SRFBP1: variants seen among roughly 807,000 people sequenced by gnomAD.
SRFBP1 encodes serum response factor-binding protein 1.
Under a neutral mutation model 45.5 loss-of-function variants are expected in SRFBP1, and 47 were observed. The observed-to-expected ratio is 1.03, with a 90% confidence interval of 0.82 to 1.32. The LOEUF is 1.32. SRFBP1 is among the 40% of genes most tolerant of loss of function. The pLI, the probability that SRFBP1 is intolerant of heterozygous loss-of-function variation, is 0.00. For synonymous variants in SRFBP1, 203 were observed against 166.3 expected (o/e 1.22, Z -1.70); for missense variants, 621 against 484.6 (o/e 1.28, Z -2.64).
At chr5:122,049,789 G>A (rs1038685741) in intron 2 of SRFBP1, among the ~76,000 whole-genome samples, 1 of 152,130 alleles carries the variant, frequency 6.6e-6, no homozygotes, top group East Asian at 1.9e-4. Context: ...GGTACATAAC[G>A]AAATGAAGGC....
At position 121,975,483 on chromosome 5, in the gene SRFBP1, C is replaced by G. The variant is rs919207387; in HGVS notation, c.198+96C>G. On this transcript the variant is annotated intron_variant, in intron 3 of 7. Coordinates refer to ENST00000339397, the MANE Select transcript of SRFBP1 (RefSeq NM_152546.3). The stretch of plus-strand genomic sequence containing the variant: ...GTGGTATTGCTTATTTGAATATTCC[C>G]GAGAGTTGCGTAAGACATCTTGTAT... 1.1e-4 allele frequency: 140 copies of G among 1,301,312 alleles called. 5 individuals are homozygous for G. The South Asian group carries it at 1.7e-3, about 15-fold the overall frequency. 80.6% of individuals were successfully genotyped at this position (1,301,312 alleles called of 1,614,324 possible).
At chr5:121,968,185 T>C (rs1201129579) in intron 1 of SRFBP1, among the ~76,000 whole-genome samples, 1 of 151,364 alleles carries the variant, frequency 6.6e-6, no homozygotes, top group Admixed American at 6.6e-5. Flanking sequence ...AGACCCCCAG[T>C]GTATGCTTAA....
intron 4 of SRFBP1, 146 bp from the exon 5 acceptor site, chr5:122,019,114 T>C: frequency 4.5e-6 from 3 of 674,054 alleles, no homozygotes; most frequent in South Asian, 3.9e-5. Context: ...GGATTGATTA[T>C]ACAGATATCT....
intron 2 of SRFBP1, chr5:122,070,304 T>C (rs371425918): frequency 7.5e-6 from 5 of 665,726 alleles, no homozygotes; most frequent in African/African-American, 3.6e-5. Flanking sequence ...GGAGACGTTA[T>C]GGAAAGAGAC....
At chr5:122,002,835 A>T (rs558218615) in intron 4 of SRFBP1, among the ~76,000 whole-genome samples, 1 of 152,286 alleles carries the variant, frequency 6.6e-6, no homozygotes, top group Admixed American at 6.5e-5. Flanking sequence ...TTTGAACTGG[A>T]TGATGTTAAG....
chr5:121,964,315 A>T (rs1752015203), intron 1 of SRFBP1, among the ~76,000 whole-genome samples: 1 of 152,208 alleles, frequency 6.6e-6, no homozygotes, highest in Admixed American at 6.5e-5. Flanking sequence ...CGTCTACATT[A>T]GGTATTTCTC....
At chr5:122,004,925 A>T (rs1172271847) in intron 4 of SRFBP1, among the ~76,000 whole-genome samples, 5 of 152,098 alleles carry the variant, frequency 3.3e-5, no homozygotes, top group Non-Finnish European at 7.4e-5. Context: ...CAGGAGCATG[A>T]TGTTTAATTT....
chr5:122,019,259 G>T lies in SRFBP1; in HGVS notation c.271-1G>T. 1.9e-6 allele frequency: 3 copies of T among 1,610,900 alleles called. No homozygotes were observed. The highest frequency in any genetic ancestry group is 2.5e-6 in the Non-Finnish European group (3 of 1,178,430). On this transcript the variant is annotated splice_acceptor_variant, in intron 4 of 7. Coordinates refer to ENST00000339397, the MANE Select transcript of SRFBP1 (RefSeq NM_152546.3). LOFTEE classifies it high-confidence loss of function. ...CGTTTATTATATTTTTAAATTTGCA[G>T]CCAGATTCTACTGCAACTGAAAGAG...
rs370954666 is a variant in SRFBP1 at position 122,051,329 on chromosome 5, A to C, written n.312-23986A>C. On this transcript the variant is annotated intron_variant and non_coding_transcript_variant, in intron 2 of 2. Coordinates refer to the SRFBP1 transcript ENST00000504881. ...ATCTTTGTTATTTTTCTGCCTCAAT[A>C]ATCTGTCTAATACTGTCAGTGGAGT... Among the ~76,000 whole-genome samples the C allele has an allele frequency of 6.4e-4, 98 of 152,056 alleles. 3 individuals carry two copies. The South Asian group carries it at 0.017, about 26-fold the overall frequency.
chr5:122,033,616 C>T (rs1223031816), downstream of SRFBP1, among the ~76,000 whole-genome samples: 1 of 151,510 alleles, frequency 6.6e-6, no homozygotes, highest in East Asian at 1.9e-4. Context: ...CACCTGTCAC[C>T]ACGCCTGGTT....
At chr5:122,012,938 T>G (rs113816247) in intron 4 of SRFBP1, among the ~76,000 whole-genome samples, 3 of 152,102 alleles carry the variant, frequency 2.0e-5, no homozygotes, top group African/African-American at 7.2e-5. Flanking sequence ...AGGTTTAAAT[T>G]TCTAGGAGTT....
chr5:122,057,632 T>C (rs1189501106), intron 2 of SRFBP1, among the ~76,000 whole-genome samples: 1 of 151,172 alleles, frequency 6.6e-6, no homozygotes, highest in Non-Finnish European at 1.5e-5. Flanking sequence ...TGGACTGCTC[T>C]CAGTTCTTTA....
chr5:121,986,278 A>G (rs979116447), intron 3 of SRFBP1, among the ~76,000 whole-genome samples: 1 of 152,134 alleles, frequency 6.6e-6, no homozygotes, highest in South Asian at 2.1e-4. Flanking sequence ...GAGTAAGAGG[A>G]GTACTGAGAC....
chr5:121,962,625 C>T (rs143710989), intron 1 of SRFBP1, among the ~76,000 whole-genome samples: 2 of 152,162 alleles, frequency 1.3e-5, no homozygotes, highest in African/African-American at 2.4e-5. Flanking sequence ...TACTTGCTAT[C>T]CTCAATTCTT....
At chr5:122,061,405 A>G (rs1754166937) in intron 2 of SRFBP1, among the ~76,000 whole-genome samples, 1 of 150,402 alleles carries the variant, frequency 6.6e-6, no homozygotes, top group South Asian at 2.2e-4. Context: ...ATATAGCTCT[A>G]TTTTTTTCTC....
intron 2 of SRFBP1, among the ~76,000 whole-genome samples, chr5:122,043,944 C>A (rs1452871578): frequency 6.6e-6 from 1 of 152,012 alleles, no homozygotes; most frequent in East Asian, 1.9e-4. Flanking sequence ...TACTGATAGT[C>A]TTGTCTCCCT....
At chr5:122,029,201 C>T (rs1455880133), downstream of SRFBP1, among the ~76,000 whole-genome samples, 4 of 152,122 alleles carry the variant, frequency 2.6e-5, no homozygotes, top group African/African-American at 9.6e-5. Context: ...AATATATACA[C>T]ACACAAAAAA....
chr5:122,077,851 C>A (rs577482351), downstream of SRFBP1: 65 of 1,544,662 alleles, frequency 4.2e-5, no homozygotes, highest in Middle Eastern at 1.2e-3. The surrounding 1 kb of genome is among the most constrained non-coding windows in gnomAD (Gnocchi z 4.9). Flanking sequence ...CCCATTGGAT[C>A]TGCTGGCGCC....
At chr5:122,075,687 C>A (rs2152590383), downstream of SRFBP1, 1 of 512,010 alleles carries the variant, frequency 2.0e-6, no homozygotes, top group South Asian at 5.0e-5. Flanking sequence ...CATTTTGTTT[C>A]TTTTTGTTCA....
Sources: allele counts gnomAD v4.1 joint callset (sites outside exome capture counted in the v4.1 genomes callset), GRCh38; gene constraint gnomAD v4.1.1; non-coding constraint Gnocchi (gnomAD v3.1); transcripts MANE v1.5; gene names NCBI Gene and HGNC (gene_info 2026-07-23, HGNC 2026-07-21).